MCF2L2: variants seen among roughly 807,000 people sequenced by gnomAD.
The protein encoded by MCF2L2 is MCF.2 cell line derived transforming sequence-like 2, also known as probable guanine nucleotide exchange factor MCF2L2.
A neutral mutation model predicts 150.2 loss-of-function variants in MCF2L2; 102 were observed. The observed-to-expected ratio is 0.68, with a 90% CI of 0.58 to 0.80. The LOEUF (loss-of-function observed/expected upper bound fraction) is 0.80. Among genes scored for constraint, MCF2L2 ranks in the 30% least tolerant of loss-of-function variants. The pLI is 0.00. For missense variants in MCF2L2, 1,256 were observed against 1,372.8 expected, an observed-to-expected ratio of 0.91 and a Z score of 1.34; for synonymous variants, 465 against 491.3, an observed-to-expected ratio of 0.95 and a Z score of 0.71.
At chr3:183,207,508 C>T in intron 23 of MCF2L2, 100 bp downstream of exon 23, 1 of 903,596 alleles carries the variant, frequency 1.1e-6, no homozygotes, top group Non-Finnish European at 1.7e-6. Context: ...AAGTTAACTT[C>T]ACCTCTCTAC....
At chr3:183,367,290 G>A (rs552096918) in intron 3 of MCF2L2, among the ~76,000 whole-genome samples, 8 of 149,912 alleles carry the variant, frequency 5.3e-5, no homozygotes, top group East Asian at 2.0e-4. Flanking sequence ...CAACAGCGCC[G>A]TCTAGGCATA....
At chr3:183,264,861 G>A (rs1427038245) in intron 15 of MCF2L2, among the ~76,000 whole-genome samples, 4 of 152,106 alleles carry the variant, frequency 2.6e-5, no homozygotes, top group Non-Finnish European at 4.4e-5. Flanking sequence ...TGAGGGGCAC[G>A]GCTCCTAGAC....
Position 183,270,495 on chromosome 3 carries a change from A to G in MCF2L2, c.1862+6377T>C, listed in dbSNP as rs944436859. 1 of 1,614,234 alleles carries G rather than the reference A, an allele frequency of 6.2e-7. No individual in the cohort carries two copies. ...TCGTGGTGCCCCTCCCATTAGAGATAAAAGCAGCAAATACTACGTGTCCTA... is the reference window on the plus strand; with the variant it reads ...TCGTGGTGCCCCTCCCATTAGAGATGAAAGCAGCAAATACTACGTGTCCTA... On this transcript the variant is annotated intron_variant, in intron 15 of 29. Coordinates refer to ENST00000328913, the MANE Select transcript of MCF2L2 (RefSeq NM_015078.4). This position sits in a 1 kb window ranked among gnomAD's most constrained non-coding sequence, Gnocchi z 4.5.
intron 22 of MCF2L2, among the ~76,000 whole-genome samples, chr3:183,214,195 A>C (rs1722832608): frequency 6.6e-6 from 1 of 152,230 alleles, no homozygotes; most frequent in Admixed American, 6.5e-5. Context: ...GGGATGTCTA[A>C]TACGTAATTC....
At chr3:183,217,293 TC>T (rs1405021855) in intron 21 of MCF2L2, among the ~76,000 whole-genome samples, 1 of 20,656 alleles carries the variant, frequency 4.8e-5, no homozygotes, top group East Asian at 1.4e-3. Context: ...AAACCCCGTC[TC>T]AAAAAAAAAA....
intron 25 of MCF2L2, among the ~76,000 whole-genome samples, chr3:183,204,279 A>G (rs532837310): frequency 6.6e-6 from 1 of 152,356 alleles, no homozygotes; most frequent in African/African-American, 2.4e-5. Flanking sequence ...AATAACTCTT[A>G]CAATTCAACC....
chr3:183,410,502 T>C (rs1436325904), intron 1 of MCF2L2, among the ~76,000 whole-genome samples: 2 of 152,184 alleles, frequency 1.3e-5, no homozygotes, highest in African/African-American at 4.8e-5. Flanking sequence ...CCATGACAGC[T>C]TGTGGGCCAT....
chr3:183,405,872 T>G (rs978440141), intron 1 of MCF2L2, among the ~76,000 whole-genome samples: 1 of 152,136 alleles, frequency 6.6e-6, no homozygotes, highest in Non-Finnish European at 1.5e-5. Context: ...CAAGCCACCA[T>G]GCCCAGCTAA....
intron 2 of MCF2L2, among the ~76,000 whole-genome samples, chr3:183,387,613 T>C (rs1713905167): frequency 6.6e-6 from 1 of 152,008 alleles, no homozygotes; most frequent in African/African-American, 2.4e-5. Context: ...ATACTAAGTG[T>C]TTTTCATACA....
chr3:183,304,278 C>G (rs1728992716), intron 10 of MCF2L2, among the ~76,000 whole-genome samples: 1 of 152,170 alleles, frequency 6.6e-6, no homozygotes, highest in South Asian at 2.1e-4. Context: ...TAGGTACTTA[C>G]AAATAAATGC....
chr3:183,276,960 G>T lies in MCF2L2; in HGVS notation c.1777-3C>A. On this transcript the variant is annotated splice_polypyrimidine_tract_variant and splice_region_variant and intron_variant, in intron 14 of 29. Transcript: ENST00000328913. ...TGGCTTTCAAAGATTTCTTCACTCT[G>T]AAGTGAAAGAAATTTTGGTAAGATT... 1.3e-6 allele frequency: 2 copies of T among 1,588,300 alleles called. No individual in the cohort carries two copies. The highest frequency in any genetic ancestry group is 3.6e-4 in the Middle Eastern group (2 of 5,606).
At chr3:183,362,376 T>C (rs998786698) in intron 3 of MCF2L2, among the ~76,000 whole-genome samples, 2 of 152,184 alleles carry the variant, frequency 1.3e-5, no homozygotes, top group Non-Finnish European at 2.9e-5. Flanking sequence ...GTGCTGAGAT[T>C]ACAGGCGTGA....
At chr3:183,216,389 A>T (rs2108656167) in intron 21 of MCF2L2, among the ~76,000 whole-genome samples, 1 of 145,228 alleles carries the variant, frequency 6.9e-6, no homozygotes, top group South Asian at 2.1e-4. Context: ...GAATTCAGCT[A>T]TATAGCTGAA....
chr3:183,421,226 T>C (rs1715867681), intron 1 of MCF2L2, among the ~76,000 whole-genome samples: 1 of 152,220 alleles, frequency 6.6e-6, no homozygotes, highest in African/African-American at 2.4e-5. Context: ...ATCTGGGGAA[T>C]TTTTTAAATC....
chr3:183,201,059 G>GA (rs1388800222), intron 25 of MCF2L2, among the ~76,000 whole-genome samples: 1 of 152,178 alleles, frequency 6.6e-6, no homozygotes, highest in African/African-American at 2.4e-5. Context: ...CAGGTAGCGT[G>GA]ATGCCTCCAG....
At chr3:183,342,286 G>A (rs950638734) in intron 3 of MCF2L2, among the ~76,000 whole-genome samples, 4 of 152,236 alleles carry the variant, frequency 2.6e-5, no homozygotes, top group East Asian at 1.9e-4. Flanking sequence ...GAAGAAGCAC[G>A]GTACAGAGGA....
In MCF2L2 at chr3:183,293,343, C is replaced by T. The variant is rs570263659; in HGVS notation, c.1675+1957G>A. On this transcript the variant is annotated intron_variant, in intron 13 of 29. Coordinates refer to ENST00000328913, the MANE Select transcript of MCF2L2 (RefSeq NM_015078.4). Reference sequence around the variant, plus strand: ...TATGTATGTGCTTAATGACAGAGGTCCACAATACACGACACAAACAAATGA... The same window carrying T: ...TATGTATGTGCTTAATGACAGAGGTTCACAATACACGACACAAACAAATGA... 3.3e-5 allele frequency among the ~76,000 whole-genome samples: 5 copies of T among 152,318 alleles called. No homozygotes were observed. The South Asian group carries it at 1.0e-3, about 32-fold the overall frequency.
chr3:183,214,819 T>C (rs1286866063), intron 22 of MCF2L2, among the ~76,000 whole-genome samples: 2 of 145,760 alleles, frequency 1.4e-5, no homozygotes, highest in Admixed American at 1.4e-4. Flanking sequence ...GCCCCGTCTC[T>C]ACTAAAAATA....
At chr3:183,326,262 C>T (rs373534988) in intron 5 of MCF2L2, among the ~76,000 whole-genome samples, 6 of 151,962 alleles carry the variant, frequency 3.9e-5, no homozygotes, top group East Asian at 3.9e-4. Context: ...CAGGCGGAGG[C>T]GGACAGATCA....
Sources: allele counts gnomAD v4.1 joint callset (sites outside exome capture counted in the v4.1 genomes callset), GRCh38; gene constraint gnomAD v4.1.1; non-coding constraint Gnocchi (gnomAD v3.1); transcripts MANE v1.5; gene names NCBI Gene and HGNC (gene_info 2026-07-23, HGNC 2026-07-21).